MCU: variants seen among roughly 807,000 people sequenced by gnomAD.
MCU encodes the protein mitochondrial calcium uniporter.
Under a neutral mutation model 45.2 loss-of-function variants are expected in MCU, and 12 were observed. That is an observed-to-expected ratio of 0.27 (90% CI 0.17 to 0.43). The LOEUF (loss-of-function observed/expected upper bound fraction) is 0.43. Ranked by LOEUF, MCU falls within the 20% of genes least tolerant of loss-of-function variation. The probability of loss-of-function intolerance (pLI) is 1.00; values close to 1 mark genes in which losing one functional copy is unlikely to be tolerated. For synonymous variants in MCU, 160 were observed against 165.1 expected (o/e 0.97, Z 0.24); for missense variants, 324 against 436.7 (o/e 0.74, Z 2.30).
chr10:72,724,992 T>C (rs1843076635), intron 1 of MCU, among the ~76,000 whole-genome samples: 2 of 152,216 alleles, frequency 1.3e-5, no homozygotes, highest in Non-Finnish European at 2.9e-5. Flanking sequence ...CAAGGTCTCA[T>C]GTTGTCATCC....
At chr10:72,885,667 A>C in intron 7 of MCU, 78 bp from the exon 8 acceptor site, 1 of 886,140 alleles carries the variant, frequency 1.1e-6, no homozygotes, top group Non-Finnish European at 1.9e-6. Context: ...AATGGAGAAC[A>C]GTTTCCTTTT....
chr10:72,873,388 C>G (rs1845575804), intron 6 of MCU, among the ~76,000 whole-genome samples: 1 of 152,062 alleles, frequency 6.6e-6, no homozygotes, highest in Admixed American at 6.6e-5. Context: ...ACCTATTAGT[C>G]ATTTGTATGT....
chr10:72,692,698 C>T (rs1051950512), intron 1 of MCU: 2 of 1,223,750 alleles, frequency 1.6e-6, no homozygotes, highest in South Asian at 2.8e-5. Context: ...CTCCTCCGGG[C>T]GGGTTGGGGA....
At chr10:72,737,139 G>A (rs1398327216) in intron 1 of MCU, among the ~76,000 whole-genome samples, 2 of 152,170 alleles carry the variant, frequency 1.3e-5, no homozygotes, top group African/African-American at 4.8e-5. Flanking sequence ...TACTATAGCG[G>A]TTGTTGATAC....
At chr10:72,780,553 G>GTGTGTGTGTGTGTGT (rs1276944923) in intron 1 of MCU, among the ~76,000 whole-genome samples, 1 of 8,654 alleles carries the variant, frequency 1.2e-4, no homozygotes, top group Non-Finnish European at 3.7e-4. Context: ...TGTGTGTGTT[G>GTGTGTGTGTGTGTGT]GGTGAATTTG....
intron 2 of MCU, among the ~76,000 whole-genome samples, chr10:72,845,495 A>C (rs919037037): frequency 3.3e-5 from 5 of 152,192 alleles, no homozygotes. Flanking sequence ...AAAGAGTATA[A>C]TACTGTATTT....
intron 4 of MCU, among the ~76,000 whole-genome samples, chr10:72,864,124 A>C (rs919616461): frequency 1.1e-4 from 16 of 152,116 alleles, no homozygotes; most frequent in Non-Finnish European, 1.9e-4. Context: ...TTTCATAGCC[A>C]CCTCTTGTTG....
At chr10:72,817,776 T>C (rs967112240) in intron 1 of MCU, among the ~76,000 whole-genome samples, 71 of 152,358 alleles carry the variant, frequency 4.7e-4, no homozygotes, top group African/African-American at 1.6e-3. Context: ...TTAAATGTTA[T>C]TAAAACTGTG....
At chr10:72,832,896 TA>T (rs1331822181) in intron 1 of MCU, among the ~76,000 whole-genome samples, 1 of 144,968 alleles carries the variant, frequency 6.9e-6, no homozygotes, top group Non-Finnish European at 1.5e-5. Context: ...TCTGTGCTTT[TA>T]ACCACTACAT....
At chr10:72,798,034 A>G (rs1338218713) in intron 1 of MCU, among the ~76,000 whole-genome samples, 1 of 152,138 alleles carries the variant, frequency 6.6e-6, no homozygotes, top group Non-Finnish European at 1.5e-5. Context: ...GTACTAATAT[A>G]TAGTTCAATA....
Position 72,885,844 on chromosome 10 carries a change from C to G in MCU, c.*22C>G, listed in dbSNP as rs1764614335. The G allele has an allele frequency of 6.3e-7, 1 of 1,597,002 alleles. No individual in the cohort carries two copies. Among genetic ancestry groups the G allele is most frequent in the Non-Finnish European group, 8.6e-7 (1 of 1,165,086 alleles). ...TTGATCTGCAAAAAGCCTCTGAATC[C>G]TGGCAGAAGGAACACCTGTTTGCCT... On this transcript the variant is annotated 3_prime_UTR_variant, in exon 8 of 8. Coordinates refer to ENST00000373053, the MANE Select transcript of MCU (RefSeq NM_138357.3).
At chr10:72,771,059 ATTATTATACTT>A (rs1843799926) in intron 1 of MCU, among the ~76,000 whole-genome samples, 1 of 152,110 alleles carries the variant, frequency 6.6e-6, no homozygotes, top group Admixed American at 6.5e-5. Context: ...TTAAAAAATT[ATTATTATACTT>A]TAAGTTCTGG....
chr10:72,756,568 C>T (rs1216957950), intron 1 of MCU: 1 of 152,116 alleles, frequency 6.6e-6, no homozygotes, highest in African/African-American at 2.4e-5. Context: ...ATAATCATTG[C>T]TTGCTGTATT....
chr10:72,824,197 CTT>C (rs35710019), intron 1 of MCU, among the ~76,000 whole-genome samples: 137 of 135,164 alleles, frequency 1.0e-3, no homozygotes, highest in Middle Eastern at 7.6e-3. Context: ...TGATTTCTTT[CTT>C]TTTTTTTTTT....
intron 2 of MCU, among the ~76,000 whole-genome samples, chr10:72,839,576 T>G (rs934409082): frequency 6.6e-6 from 1 of 152,098 alleles, no homozygotes; most frequent in Non-Finnish European, 1.5e-5. Flanking sequence ...CTGGGTAGTA[T>G]TCCGGTATAT....
intron 1 of MCU, among the ~76,000 whole-genome samples, chr10:72,778,594 A>G (rs1843936766): frequency 6.6e-6 from 1 of 152,198 alleles, no homozygotes; most frequent in Non-Finnish European, 1.5e-5. Context: ...TAGCACAATC[A>G]TGTTGATAAC....
intron 1 of MCU, among the ~76,000 whole-genome samples, chr10:72,797,246 C>T (rs1238101247): frequency 1.4e-5 from 2 of 144,296 alleles, no homozygotes; most frequent in African/African-American, 2.6e-5. Context: ...TTTTTTAAGA[C>T]GGGATCTCAC....
intron 1 of MCU, among the ~76,000 whole-genome samples, chr10:72,765,631 A>AAAAAATAAG (rs1843714219): frequency 6.6e-6 from 1 of 151,834 alleles, no homozygotes; most frequent in Non-Finnish European, 1.5e-5. Context: ...CCATCTATAC[A>AAAAAATAAG]AAAAATAAGA....
At position 72,802,480 on chromosome 10, in the gene MCU, A is replaced by T. The variant is rs1043236226; in HGVS notation, c.151-31879A>T. 6.6e-5 allele frequency among the ~76,000 whole-genome samples: 10 copies of T among 152,262 alleles called. No individual in the cohort carries two copies. The South Asian group carries it at 1.0e-3, about 16-fold the overall frequency. Reference sequence around the variant, plus strand: ...GGCTAGAGCTTCTGAATGATGTCTTAAAAGTTCTCCAATAAAACTGACAAG... The same window carrying T: ...GGCTAGAGCTTCTGAATGATGTCTTTAAAGTTCTCCAATAAAACTGACAAG... On this transcript the variant is annotated intron_variant, in intron 1 of 7. Transcript: ENST00000373053.
Sources: allele counts gnomAD v4.1 joint callset (sites outside exome capture counted in the v4.1 genomes callset), GRCh38; gene constraint gnomAD v4.1.1; transcripts MANE v1.5; gene names NCBI Gene and HGNC (gene_info 2026-07-23, HGNC 2026-07-21).